TNIK: variants seen among roughly 807,000 people sequenced by gnomAD.
The protein encoded by TNIK is TRAF2 and NCK-interacting protein kinase.
TNIK carries 49 observed loss-of-function variants against 191.3 expected under a neutral mutation model. That is an observed-to-expected ratio of 0.26 (90% confidence interval 0.20 to 0.32). The LOEUF (loss-of-function observed/expected upper bound fraction) is 0.32. TNIK is among the 10% of genes least tolerant of loss of function. The pLI is 1.00. For synonymous variants in TNIK, 594 were observed against 600.9 expected, an observed-to-expected ratio of 0.99 and a Z score of 0.17; for missense variants, 1,155 against 1,702.3, an observed-to-expected ratio of 0.68 and a Z score of 5.66.
At chr3:171,328,728 T>C (rs1042900527) in intron 2 of TNIK, among the ~76,000 whole-genome samples, 1 of 152,158 alleles carries the variant, frequency 6.6e-6, no homozygotes, top group Non-Finnish European at 1.5e-5. Flanking sequence ...AGGAAGATAT[T>C]TAAATATGTA....
At chr3:171,229,487 A>G (rs1244835097) in intron 2 of TNIK, among the ~76,000 whole-genome samples, 1 of 152,216 alleles carries the variant, frequency 6.6e-6, no homozygotes, top group East Asian at 1.9e-4. Context: ...GTTGGTGAAA[A>G]TGTGCTAGTT....
chr3:171,285,842 G>T (rs1750948666), intron 2 of TNIK, among the ~76,000 whole-genome samples: 1 of 152,168 alleles, frequency 6.6e-6, no homozygotes, highest in African/African-American at 2.4e-5. Context: ...TCTGGGGCAG[G>T]CCCCAGGCCT....
chr3:171,402,668 C>A (rs753631318), intron 1 of TNIK, among the ~76,000 whole-genome samples: 1 of 152,202 alleles, frequency 6.6e-6, no homozygotes, highest in Non-Finnish European at 1.5e-5. Context: ...TTCAAAAAAA[C>A]ATCCTTAACT....
At chr3:171,322,570 A>G (rs920411244) in intron 2 of TNIK, among the ~76,000 whole-genome samples, 2 of 152,176 alleles carry the variant, frequency 1.3e-5, no homozygotes, top group African/African-American at 4.8e-5. Context: ...ATTTCCTTTG[A>G]TCATTCCAAA....
chr3:171,317,368 T>A (rs555704757), intron 2 of TNIK, among the ~76,000 whole-genome samples: 1 of 152,230 alleles, frequency 6.6e-6, no homozygotes, highest in African/African-American at 2.4e-5. Flanking sequence ...ACCATGATAG[T>A]GGGATGTGGG....
intron 1 of TNIK, among the ~76,000 whole-genome samples, chr3:171,373,252 T>C (rs1235857085): frequency 6.6e-6 from 1 of 151,700 alleles, no homozygotes; most frequent in Non-Finnish European, 1.5e-5. Flanking sequence ...GTTGTCCCTT[T>C]TGAGGCATTT....
At chr3:171,307,142 T>A (rs1753544772) in intron 2 of TNIK, among the ~76,000 whole-genome samples, 1 of 152,134 alleles carries the variant, frequency 6.6e-6, no homozygotes, top group Non-Finnish European at 1.5e-5. Flanking sequence ...CAAAACCTAT[T>A]TTCTATTTAT....
chr3:171,085,696 C>A (rs1721261148), intron 24 of TNIK, among the ~76,000 whole-genome samples: 2 of 152,114 alleles, frequency 1.3e-5, no homozygotes, highest in Admixed American at 6.5e-5. Flanking sequence ...AGCTTTGAGC[C>A]CTTCTACTCT....
rs192678519 is a variant in TNIK, at chr3:171,446,983, G to C, written c.57+13024C>G. 4.3e-3 allele frequency among the ~76,000 whole-genome samples: 651 copies of C among 152,228 alleles called. 6 individuals are homozygous for C. The highest frequency in any genetic ancestry group is 0.015 in the African/African-American group (619 of 41,536). ...AGGCGGGCGGATCACCTGAGGTCAG[G>C]GGTTTGAGACCAGCCTGGCCAACAC... On this transcript the variant is annotated intron_variant, in intron 1 of 32. Coordinates refer to ENST00000436636, the MANE Select transcript of TNIK (RefSeq NM_015028.4).
intron 1 of TNIK, among the ~76,000 whole-genome samples, chr3:171,439,160 T>A (rs1402565049): frequency 6.6e-6 from 1 of 151,272 alleles, no homozygotes. Context: ...CTGGCTAACA[T>A]GGTGAAACCC....
chr3:171,128,946 A>T (rs549333584), intron 15 of TNIK, 68 bp from the exon 16 acceptor site: 2 of 1,456,010 alleles, frequency 1.4e-6, no homozygotes, highest in Admixed American at 2.7e-5. Flanking sequence ...CCTTCTAGCA[A>T]GGATTTTCTG....
chr3:171,064,582 A>G (rs1009721225), intron 32 of TNIK, among the ~76,000 whole-genome samples: 7 of 152,218 alleles, frequency 4.6e-5, no homozygotes, highest in Non-Finnish European at 1.0e-4. Flanking sequence ...GGCATATCCC[A>G]GGGCAAATGA....
intron 2 of TNIK, among the ~76,000 whole-genome samples, chr3:171,308,257 C>CA (rs1264871662): frequency 2.6e-5 from 4 of 152,050 alleles, no homozygotes; most frequent in Admixed American, 6.6e-5. Context: ...ACAGAGAACC[C>CA]AGAAATAAAG....
chr3:171,080,498 A>G (rs1030117554), intron 27 of TNIK, among the ~76,000 whole-genome samples: 1 of 151,820 alleles, frequency 6.6e-6, no homozygotes, highest in African/African-American at 2.4e-5. Flanking sequence ...GTCCAGTGGC[A>G]TGATCTCGGC....
intron 2 of TNIK, among the ~76,000 whole-genome samples, chr3:171,351,426 AAG>A (rs1301537828): frequency 6.6e-6 from 1 of 152,158 alleles, no homozygotes; most frequent in Admixed American, 6.5e-5. Context: ...AATTAATCAA[AAG>A]AACTATTCAT....
At chr3:171,451,114 G>A (rs59966025) in intron 1 of TNIK, among the ~76,000 whole-genome samples, 16,457 of 152,222 alleles carry the variant, frequency 0.11, 1,017 homozygotes, top group East Asian at 0.21. Context: ...AGTCCCCTTC[G>A]AAATGAATAG....
intron 12 of TNIK, among the ~76,000 whole-genome samples, chr3:171,143,763 A>C (rs1731168365): frequency 6.6e-6 from 1 of 152,234 alleles, no homozygotes; most frequent in South Asian, 2.1e-4. Context: ...TGAATACTGC[A>C]AACTGGCTAA....
intron 2 of TNIK, among the ~76,000 whole-genome samples, chr3:171,322,848 T>C (rs1370921152): frequency 1.3e-5 from 2 of 151,410 alleles, no homozygotes; most frequent in East Asian, 3.9e-4. Flanking sequence ...TCTTTTTTTT[T>C]TTTTTTTTAA....
chr3:171,370,895 G>A (rs1716397811), intron 1 of TNIK, among the ~76,000 whole-genome samples: 1 of 152,018 alleles, frequency 6.6e-6, no homozygotes, highest in Non-Finnish European at 1.5e-5. Flanking sequence ...TGCGCCTTTG[G>A]CCTGTCTCTA....
Sources: allele counts gnomAD v4.1 joint callset (sites outside exome capture counted in the v4.1 genomes callset), GRCh38; gene constraint gnomAD v4.1.1; transcripts MANE v1.5; gene names NCBI Gene and HGNC (gene_info 2026-07-23, HGNC 2026-07-21).